Variants in DNAH14 observed in about 807,000 individuals in gnomAD.
The protein encoded by DNAH14 is axonemal beta dynein heavy chain 14.
Under a neutral mutation model 520.9 loss-of-function variants are expected in DNAH14, and 478 were observed. The observed-to-expected ratio is 0.92, with a 90% CI of 0.85 to 0.99. The LOEUF is 0.99. Among genes scored for constraint, DNAH14 ranks in the 50% least tolerant of loss-of-function variants. The pLI is 0.00. For synonymous variants in DNAH14, 1,581 were observed against 1,757.2 expected (o/e 0.90, Z 2.51); for missense variants, 4,831 against 5,234.5 (o/e 0.92, Z 2.38).
intron 23 of DNAH14, among the ~76,000 whole-genome samples, chr1:225,107,504 A>T (rs2076160080): frequency 6.6e-6 from 1 of 152,196 alleles, no homozygotes; most frequent in South Asian, 2.1e-4. Context: ...ATGCCGGCTT[A>T]GACAAAACGA....
chr1:225,148,319 T>C (rs902757544), intron 31 of DNAH14, among the ~76,000 whole-genome samples: 2 of 152,106 alleles, frequency 1.3e-5, no homozygotes, highest in Non-Finnish European at 2.9e-5. Context: ...TTTTTAGTGA[T>C]AGCCATTCTG....
intron 23 of DNAH14, among the ~76,000 whole-genome samples, chr1:225,113,845 G>A (rs899085849): frequency 1.3e-5 from 2 of 151,918 alleles, no homozygotes; most frequent in Non-Finnish European, 2.9e-5. Flanking sequence ...TGTAGTAAAT[G>A]CTGCCAGGCT....
chr1:225,142,550 G>A (rs74147132), intron 28 of DNAH14, among the ~76,000 whole-genome samples: 3,786 of 152,248 alleles, frequency 0.025, 124 homozygotes, highest in African/African-American at 0.077. Flanking sequence ...TAGCAAACAC[G>A]ATTGCAAGTA....
At chr1:225,077,783 C>T (rs1057221627) in intron 17 of DNAH14, among the ~76,000 whole-genome samples, 1 of 152,174 alleles carries the variant, frequency 6.6e-6, no homozygotes, top group Non-Finnish European at 1.5e-5. Flanking sequence ...AAGAGACACA[C>T]ACATGCCCCA....
chr1:225,258,658 T>G (rs1259096391), intron 45 of DNAH14, among the ~76,000 whole-genome samples: 2 of 152,160 alleles, frequency 1.3e-5, no homozygotes, highest in Non-Finnish European at 2.9e-5. Flanking sequence ...GCAATGTAAC[T>G]CTCAGATAAC....
intron 38 of DNAH14, among the ~76,000 whole-genome samples, chr1:225,203,595 T>A (rs984892363): frequency 1.1e-4 from 16 of 152,312 alleles, no homozygotes; most frequent in African/African-American, 3.8e-4. Flanking sequence ...CTCAAGATAA[T>A]AAGGAGTTAA....
intron 8 of DNAH14, among the ~76,000 whole-genome samples, chr1:224,979,445 T>A (rs544893116): frequency 6.6e-6 from 1 of 152,262 alleles, no homozygotes; most frequent in Admixed American, 6.5e-5. Context: ...TTTAGACCAG[T>A]TCTAGCCAGA....
chr1:225,202,444 G>A lies in DNAH14; in HGVS notation c.5887-1739G>A, dbSNP rs575738573. 3.9e-5 allele frequency among the ~76,000 whole-genome samples: 6 copies of A among 152,240 alleles called. No individual in the cohort carries two copies. In the South Asian group the frequency reaches 1.2e-3, roughly 32 times the overall value. ...TAGGAGGATTATGGCTGCCTCTACT[G>A]TGTCATGCAGGTTGTCAGGGAAGTG... On this transcript the variant is annotated intron_variant, in intron 38 of 85. Coordinates refer to ENST00000682510, the MANE Select transcript of DNAH14 (RefSeq NM_001367479.1).
intron 38 of DNAH14, among the ~76,000 whole-genome samples, chr1:225,200,027 A>T (rs2086627668): frequency 6.6e-6 from 1 of 150,772 alleles, no homozygotes; most frequent in Non-Finnish European, 1.5e-5. Context: ...TGTTGGGCAC[A>T]TATATATTTA....
chr1:225,022,396 C>A (rs898034276), intron 10 of DNAH14, among the ~76,000 whole-genome samples: 2 of 151,816 alleles, frequency 1.3e-5, no homozygotes, highest in Non-Finnish European at 1.5e-5. Flanking sequence ...CTCTTTAACA[C>A]CCCAACAAAC....
intron 8 of DNAH14, among the ~76,000 whole-genome samples, chr1:225,000,252 T>C (rs977611562): frequency 6.6e-6 from 1 of 152,208 alleles, no homozygotes; most frequent in African/African-American, 2.4e-5. Context: ...CATGGTCATT[T>C]GAATTGTTTT....
intron 34 of DNAH14, among the ~76,000 whole-genome samples, chr1:225,156,706 A>ATTTTT (rs1553483258): frequency 6.6e-5 from 7 of 106,754 alleles, no homozygotes; most frequent in Admixed American, 1.1e-4. Flanking sequence ...TCCTCTTAAA[A>ATTTTT]TTCTTTTTTT....
chr1:225,185,583 TAAATCTC>T (rs994005301), intron 37 of DNAH14, among the ~76,000 whole-genome samples, 158 bp downstream of exon 37: 5 of 152,026 alleles, frequency 3.3e-5, no homozygotes, highest in Non-Finnish European at 5.9e-5. Flanking sequence ...ATTTTTAACT[TAAATCTC>T]AAACTGATCA....
At chr1:224,974,062 T>C in intron 7 of DNAH14, 29 bp from the exon 8 acceptor site, 2 of 1,420,542 alleles carry the variant, frequency 1.4e-6, no homozygotes, top group Non-Finnish European at 1.9e-6. Flanking sequence ...TTTATGGATA[T>C]GGAATATAAG....
At chr1:225,262,123 A>C (rs1223812188) in intron 46 of DNAH14, among the ~76,000 whole-genome samples, 1 of 151,804 alleles carries the variant, frequency 6.6e-6, no homozygotes, top group Admixed American at 6.6e-5. Flanking sequence ...CTTATTATCA[A>C]ATGTAAAAAT....
chr1:225,300,791 G>T (rs758638706), intron 55 of DNAH14, 78 bp from the exon 56 acceptor site: 26 of 1,401,552 alleles, frequency 1.9e-5, no homozygotes, highest in Non-Finnish European at 2.4e-5. Flanking sequence ...TTGCTTTCTT[G>T]CTTCCTCAAA....
intron 17 of DNAH14, among the ~76,000 whole-genome samples, chr1:225,071,928 A>T (rs6670335): frequency 0.077 from 11,681 of 152,234 alleles, 1,447 homozygotes; most frequent in African/African-American, 0.26. Context: ...ACTACAATTC[A>T]AGGTGAGATT....
intron 82 of DNAH14, among the ~76,000 whole-genome samples, chr1:225,389,150 G>A (rs2095874738): frequency 6.6e-6 from 1 of 152,196 alleles, no homozygotes; most frequent in Non-Finnish European, 1.5e-5. Context: ...ACAGGATGTG[G>A]AGCATTTCTC....
chr1:225,381,457 T>C lies in DNAH14; in HGVS notation c.12955T>C (p.Phe4319Leu). The change falls in exon 81 of 86, where the codon TTT becomes CTT. Residue 4319 changes from phenylalanine (F) to leucine (L), a missense_variant. Physicochemically the swap from Phe to Leu is conservative, Grantham distance 22 (BLOSUM62 0). Transcript: ENST00000682510. ...AATTAAACGATTTGATAAGTTATTA[T>C]TTGTCATACATAAATCCTTAAAAGA... ...QEIKRFDKLL[F>L]VIHKSLKDLQ... The C allele has an allele frequency of 6.4e-7, 1 of 1,551,060 alleles. No homozygotes were observed. The highest frequency in any genetic ancestry group is 8.7e-7 in the Non-Finnish European group (1 of 1,146,826).
Sources: allele counts gnomAD v4.1 joint callset (sites outside exome capture counted in the v4.1 genomes callset), GRCh38; gene constraint gnomAD v4.1.1; transcripts MANE v1.5; gene names NCBI Gene and HGNC (gene_info 2026-07-23, HGNC 2026-07-21).